Variants in TASOR observed in about 807,000 individuals in gnomAD.
The protein encoded by TASOR is protein TASOR.
TASOR carries 53 observed loss-of-function variants against 178.6 expected under a neutral mutation model. That is an observed-to-expected ratio of 0.30 (90% CI 0.24 to 0.37). The LOEUF is 0.37. TASOR is among the 10% of genes least tolerant of loss of function. TASOR has a pLI of 1.00. For missense variants in TASOR, 1,815 were observed against 1,971.4 expected (o/e 0.92, Z 1.50); for synonymous variants, 713 against 696.2 (o/e 1.02, Z -0.38).
At position 56,647,192 on chromosome 3, in the gene TASOR, C is replaced by T; in HGVS notation, c.1545G>A (p.Gln515=). The T allele has an allele frequency of 6.4e-7, 1 of 1,568,136 alleles. No homozygotes were observed. The highest frequency in any genetic ancestry group is 2.1e-5 in the Admixed American group (1 of 46,600). The change falls in exon 14 of 24, where the codon CAG becomes CAA. Residue 515 remains glutamine (Q), a synonymous_variant. Transcript: ENST00000683822. The part of the protein sequence containing the change: ...SQKGSTNAAP[Q]ERHESMPDVL... ...CATCTGGCATGCTCTCATGCCTCTC[C>T]TGTGGTGCTGCATTGGTTGAACCTT...
chr3:56,671,734 T>C (rs928764163), intron 2 of TASOR, 42 bp from the exon 3 acceptor site: 1 of 1,409,718 alleles, frequency 7.1e-7, no homozygotes. Flanking sequence ...AGCATGTGAT[T>C]ATGTTTTTCA....
intron 9 of TASOR, among the ~76,000 whole-genome samples, chr3:56,661,905 A>G (rs749220079): frequency 2.6e-5 from 4 of 152,182 alleles, no homozygotes; most frequent in South Asian, 2.1e-4. Flanking sequence ...CGGGAGGATC[A>G]TATGAGGTCA....
chr3:56,648,943 TAAG>T, intron 12 of TASOR, 39 bp downstream of exon 12: 1 of 1,597,566 alleles, frequency 6.3e-7, no homozygotes, highest in East Asian at 2.2e-5. Flanking sequence ...ACTAAAAAGT[TAAG>T]AAAGAATTGT....
chr3:56,669,942 T>G (rs2030499806), intron 4 of TASOR, 131 bp downstream of exon 4: 1 of 863,664 alleles, frequency 1.2e-6, no homozygotes, highest in African/African-American at 1.7e-5. Flanking sequence ...TTTCAGAACC[T>G]ATGACTAGTC....
intron 7 of TASOR, among the ~76,000 whole-genome samples, chr3:56,665,098 G>A (rs1025230165): frequency 6.6e-6 from 1 of 152,122 alleles, no homozygotes; most frequent in East Asian, 1.9e-4. Context: ...GTTTGAGGCT[G>A]CAGCAAGCTA....
intron 18 of TASOR, chr3:56,629,044 A>T (rs747861241): frequency 6.7e-6 from 1 of 149,050 alleles, no homozygotes; most frequent in South Asian, 2.1e-4. Flanking sequence ...AAGTGCTGGG[A>T]TTACAGGCGT....
Position 56,667,490 on chromosome 3 carries a change from T to TA in TASOR, c.897+906dup, listed in dbSNP as rs542212239. On this transcript the variant is annotated intron_variant, in intron 6 of 23. Transcript: ENST00000683822. ...CAACATGGTGAAACCCCATCTCTAC[T>TA]AAAAAAAATACAAAAAATTAGCTAG... Among the ~76,000 whole-genome samples the TA allele has an allele frequency of 2.4e-4, 36 of 151,402 alleles. 1 individual carries two copies. The South Asian group carries it at 7.1e-3, about 30-fold the overall frequency.
chr3:56,622,099 C>G lies in TASOR; in HGVS notation c.*938G>C, dbSNP rs1471511887. On this transcript the variant is annotated 3_prime_UTR_variant, in exon 24 of 24. Coordinates refer to ENST00000683822, the MANE Select transcript of TASOR (RefSeq NM_001365635.2). ...TTTAGGCTCCTTCTCTAAATCCTGA[C>G]ATTTATTTGCACTATGACATTTATT... is the stretch of plus-strand genomic sequence containing the variant. 6.6e-6 allele frequency: 1 copy of G among 152,178 alleles called. No individual in the cohort carries two copies. The highest frequency in any genetic ancestry group is 2.4e-5 in the African/African-American group (1 of 41,452). 9.4% of individuals were successfully genotyped at this position (152,178 alleles called of 1,614,324 possible). A position where few individuals can be genotyped will look rare whatever the true frequency, so the allele number is the denominator to read the frequency against.
chr3:56,664,932 TG>T (rs2077674425), intron 7 of TASOR, among the ~76,000 whole-genome samples: 1 of 152,174 alleles, frequency 6.6e-6, no homozygotes, highest in Non-Finnish European at 1.5e-5. Context: ...CCTAGTGCTC[TG>T]GAATACCAAG....
In TASOR at chr3:56,623,446, C is replaced by T. The variant is rs770062644; in HGVS notation, c.4604G>A (p.Gly1535Glu). Residue 1535 changes from glycine to glutamate, a missense_variant, in exon 24 of 24, where the codon GGA becomes GAA. Gly to Glu is a moderately conservative substitution (Grantham distance 98). Coordinates refer to ENST00000683822, the MANE Select transcript of TASOR (RefSeq NM_001365635.2). ...CTTTTTTTGATCTGTTCCACGTGAT[C>T]CTTTGGTCTCTTTCTCCCATATTTC... is the stretch of plus-strand genomic sequence containing the variant. The part of the protein sequence containing the change: ...HSEIWEKETK[G>E]SRGTDQKKNT... 3.8e-5 allele frequency: 62 copies of T among 1,613,492 alleles called. No homozygotes were observed.
chr3:56,650,740 C>T (rs2077334872), intron 11 of TASOR, among the ~76,000 whole-genome samples: 1 of 152,158 alleles, frequency 6.6e-6, no homozygotes, highest in African/African-American at 2.4e-5. Flanking sequence ...CAAGTTACAT[C>T]ATACTGCTGA....
Position 56,682,557 on chromosome 3 carries a change from G to A in TASOR, c.331+119C>T, listed in dbSNP as rs550841571. On this transcript the variant is annotated intron_variant, in intron 1 of 23. Transcript: ENST00000683822. ...GGCCGTGGCGGTGAGGGGAGAGGCGGCCGGCGCTGCATGCGTGTTTACGTA... is the reference window on the plus strand; with the variant it reads ...GGCCGTGGCGGTGAGGGGAGAGGCGACCGGCGCTGCATGCGTGTTTACGTA... 1.4e-3 allele frequency: 1,306 copies of A among 962,766 alleles called. 17 individuals are homozygous for A. The African/African-American group carries it at 0.021, about 15-fold the overall frequency. The allele number at this position is 962,766 out of a possible 1,614,324, so 59.6% of individuals were successfully genotyped here. A position where few individuals can be genotyped will look rare whatever the true frequency, so the allele number is the denominator to read the frequency against.
At chr3:56,676,924 T>C (rs1007933368) in intron 1 of TASOR, among the ~76,000 whole-genome samples, 1 of 152,226 alleles carries the variant, frequency 6.6e-6, no homozygotes, top group African/African-American at 2.4e-5. Context: ...GCTTTAACAA[T>C]AAATATCTGT....
Position 56,649,006 on chromosome 3 carries a change from A to G in TASOR, c.1420T>C (p.Tyr474His). The stretch of plus-strand genomic sequence containing the variant: ...CTACCATATGGAGGAACCATCTGAT[A>G]AGGGGAGAGAAGAAAAAGGTATCCT... Reference protein sequence around the residue: ...DRGYLFLLSPYQMVPPYEYQT... With the variant: ...DRGYLFLLSPHQMVPPYEYQT... Residue 474 changes from tyrosine (Y) to histidine (H), a missense_variant, in exon 12 of 24, where the codon TAT (tyrosine) becomes CAT (histidine). Tyr to His is a moderately conservative substitution (Grantham distance 83). This residue lies in a region of TASOR where 504 missense variants were observed against 645.3 expected (regional missense o/e 0.78). Coordinates refer to ENST00000683822, the MANE Select transcript of TASOR (RefSeq NM_001365635.2). The G allele has an allele frequency of 6.2e-7, 1 of 1,608,596 alleles. No homozygotes were observed. Among genetic ancestry groups the G allele is most frequent in the Non-Finnish European group, 8.5e-7 (1 of 1,178,450 alleles).
At chr3:56,653,261 T>A (rs2077389728) in intron 11 of TASOR, among the ~76,000 whole-genome samples, 2 of 9,334 alleles carry the variant, frequency 2.1e-4, no homozygotes, top group Non-Finnish European at 4.2e-4. Context: ...AGACTCCATC[T>A]CAAAAAAAAA....
In TASOR at chr3:56,624,597, C is replaced by G. The variant is rs1320626093; in HGVS notation, c.4365G>C (p.Val1455=). 3 of 1,613,890 alleles carry G rather than the reference C, an allele frequency of 1.9e-6. No individual in the cohort carries two copies. Among genetic ancestry groups the G allele is most frequent in the Non-Finnish European group, 1.7e-6 (2 of 1,179,916 alleles). The change falls in exon 23 of 24, where the codon GTG becomes GTC. Residue 1455 remains valine, a synonymous_variant. Transcript: ENST00000683822. ...GCATGAAGTCTTCAGCAGTTGCAAC[C>G]ACTATTCCATTATCTGTATAACTGG... ...MLSSYTDNGI[V]VATAEDFMQN...
chr3:56,634,973 G>A (rs929079340), intron 17 of TASOR, among the ~76,000 whole-genome samples: 3 of 152,084 alleles, frequency 2.0e-5, no homozygotes, highest in African/African-American at 7.2e-5. Flanking sequence ...AATTTTACCC[G>A]CTAAAAAATT....
intron 11 of TASOR, among the ~76,000 whole-genome samples, chr3:56,650,537 A>C (rs1247427873): frequency 6.6e-6 from 1 of 152,202 alleles, no homozygotes; most frequent in Non-Finnish European, 1.5e-5. Context: ...AGACCATTCT[A>C]AACTTTGGGG....
chr3:56,661,236 T>A (rs551464631), intron 9 of TASOR, among the ~76,000 whole-genome samples: 74 of 152,136 alleles, frequency 4.9e-4, no homozygotes, highest in Non-Finnish European at 1.0e-3. Flanking sequence ...AGCTTCAACC[T>A]CCTAGGATCA....
Sources: gnomAD v4.1 joint callset for allele counts (sites outside exome capture counted in the v4.1 genomes callset) on GRCh38, gnomAD v4.1.1 for gene constraint, gnomAD v4.1.1 regional missense constraint, MANE v1.5 for transcripts, NCBI Gene and HGNC (gene_info 2026-07-23, HGNC 2026-07-21) for gene names.